RBMS1: variants seen among roughly 807,000 people sequenced by gnomAD.
The protein encoded by RBMS1 is RNA-binding motif, single-stranded-interacting protein 1.
Under a neutral mutation model 62.3 loss-of-function variants are expected in RBMS1, and 17 were observed. The ratio of observed to expected loss-of-function variants is 0.27; its 90% CI spans 0.19 to 0.41. RBMS1 has a LOEUF of 0.41. Ranked by LOEUF, RBMS1 falls within the 10% of genes least tolerant of loss-of-function variation. RBMS1 has a pLI of 1.00. For missense variants in RBMS1, 334 were observed against 504.5 expected, an observed-to-expected ratio of 0.66 and a Z score of 3.24; for synonymous variants, 172 against 170.0, an observed-to-expected ratio of 1.01 and a Z score of -0.09.
At chr2:160,401,567 A>G (rs1270621861) in intron 1 of RBMS1, among the ~76,000 whole-genome samples, 1 of 152,238 alleles carries the variant, frequency 6.6e-6, no homozygotes, top group East Asian at 1.9e-4. Flanking sequence ...AACACCCACT[A>G]AACACCTACA....
intron 1 of RBMS1, among the ~76,000 whole-genome samples, chr2:160,410,182 G>C (rs1695966983): frequency 1.6e-5 from 2 of 127,686 alleles, no homozygotes; most frequent in Non-Finnish European, 3.1e-5. Context: ...AGATCACGCC[G>C]CTGCACCCCA....
At chr2:160,346,083 T>C (rs1017522635) in intron 2 of RBMS1, among the ~76,000 whole-genome samples, 10 of 152,140 alleles carry the variant, frequency 6.6e-5, no homozygotes, top group African/African-American at 2.4e-4. Flanking sequence ...CTCCGGTCTT[T>C]AGGGTTTTCT....
At chr2:160,371,206 C>T (rs564349386) in intron 1 of RBMS1, among the ~76,000 whole-genome samples, 1 of 152,276 alleles carries the variant, frequency 6.6e-6, no homozygotes, top group South Asian at 2.1e-4. Context: ...GGTGTCTTGG[C>T]AGCACAAATG....
At chr2:160,327,565 A>G (rs1198790863) in intron 2 of RBMS1, among the ~76,000 whole-genome samples, 4 of 152,168 alleles carry the variant, frequency 2.6e-5, no homozygotes, top group Non-Finnish European at 5.9e-5. Context: ...CAATCAAGGT[A>G]ACGTAGCTTT....
intron 2 of RBMS1, among the ~76,000 whole-genome samples, chr2:160,334,885 T>C (rs941198095): frequency 6.6e-6 from 1 of 152,030 alleles, no homozygotes; most frequent in South Asian, 2.1e-4. Flanking sequence ...ACGGTAGTTT[T>C]TGAGACAAAC....
At chr2:160,349,685 C>T (rs1186574657) in intron 2 of RBMS1, among the ~76,000 whole-genome samples, 1 of 152,040 alleles carries the variant, frequency 6.6e-6, no homozygotes, top group Non-Finnish European at 1.5e-5. Context: ...GGCTCATACC[C>T]AGCCTTCCTT....
intron 1 of RBMS1, among the ~76,000 whole-genome samples, chr2:160,423,969 A>T (rs1451113922): frequency 6.6e-6 from 1 of 152,156 alleles, no homozygotes; most frequent in Non-Finnish European, 1.5e-5. Flanking sequence ...CTCTAGAAAG[A>T]AAAGTTATTT....
intron 2 of RBMS1, among the ~76,000 whole-genome samples, chr2:160,324,620 T>C (rs1472752856): frequency 2.0e-5 from 3 of 151,824 alleles, no homozygotes; most frequent in African/African-American, 7.3e-5. Context: ...GAATGATAGT[T>C]TTCATAATAG....
At chr2:160,361,971 T>C (rs1693156206) in intron 2 of RBMS1, among the ~76,000 whole-genome samples, 1 of 152,242 alleles carries the variant, frequency 6.6e-6, no homozygotes, top group Admixed American at 6.5e-5. Context: ...AAGGATGGGA[T>C]AGCTGTGGCA....
intron 1 of RBMS1, among the ~76,000 whole-genome samples, chr2:160,411,161 G>C (rs1559521471): frequency 6.6e-6 from 1 of 152,200 alleles, no homozygotes; most frequent in South Asian, 2.1e-4. Context: ...AAGGGCAACT[G>C]ACAGGCCAGT....
chr2:160,423,566 C>A (rs1696520738), intron 1 of RBMS1, among the ~76,000 whole-genome samples: 1 of 152,196 alleles, frequency 6.6e-6, no homozygotes, highest in Non-Finnish European at 1.5e-5. Context: ...TTTATGACAG[C>A]ACCAGCCACT....
At chr2:160,387,217 C>T (rs1205422742) in intron 1 of RBMS1, among the ~76,000 whole-genome samples, 1 of 152,126 alleles carries the variant, frequency 6.6e-6, no homozygotes, top group Non-Finnish European at 1.5e-5. Context: ...ATGTTATTAG[C>T]TGCAGCAGCT....
intron 2 of RBMS1, among the ~76,000 whole-genome samples, chr2:160,357,621 GCA>G (rs1178428834): frequency 6.6e-6 from 1 of 152,130 alleles, no homozygotes; most frequent in African/African-American, 2.4e-5. Context: ...TACTGCAACA[GCA>G]CACATTTGAA....
chr2:160,400,580 A>G (rs1171728576), intron 1 of RBMS1, among the ~76,000 whole-genome samples: 1 of 152,152 alleles, frequency 6.6e-6, no homozygotes, highest in East Asian at 1.9e-4. Flanking sequence ...TAATGCCTCT[A>G]TATTTAGAAT....
At position 160,374,935 on chromosome 2, in the gene RBMS1, G is replaced by GC. The variant is rs566639815; in HGVS notation, c.76-7545_76-7544insG. On this transcript the variant is annotated intron_variant, in intron 1 of 13. Coordinates refer to ENST00000348849, the MANE Select transcript of RBMS1 (RefSeq NM_016836.4). ...ACAAGAGTGAAACTACATCTCGGGC[G>GC]GGGGACGGTGGGGGGGAGGAATTGA... 2.0e-5 allele frequency among the ~76,000 whole-genome samples: 3 copies of GC among 151,968 alleles called. No homozygotes were observed. The South Asian group carries it at 6.3e-4, about 32-fold the overall frequency.
chr2:160,374,016 T>C (rs186821375), intron 1 of RBMS1, among the ~76,000 whole-genome samples: 1 of 152,296 alleles, frequency 6.6e-6, no homozygotes, highest in African/African-American at 2.4e-5. Flanking sequence ...CTCATATCTG[T>C]AATCCCAGCA....
intron 1 of RBMS1, among the ~76,000 whole-genome samples, chr2:160,398,143 A>T (rs1419187468): frequency 6.6e-6 from 1 of 152,208 alleles, no homozygotes; most frequent in African/African-American, 2.4e-5. Context: ...ATTCATGTGG[A>T]CAAGTTAAAA....
In RBMS1 at chr2:160,394,028, T is replaced by A. The variant is rs556933755; in HGVS notation, c.76-26637A>T. On this transcript the variant is annotated intron_variant, in intron 1 of 13. Coordinates refer to ENST00000348849, the MANE Select transcript of RBMS1 (RefSeq NM_016836.4). ...GATCACTTCATCCGAAACACTAGTA[T>A]CACATCGCAGAATTCATTCAGGATA... 7.9e-5 allele frequency among the ~76,000 whole-genome samples: 12 copies of A among 152,304 alleles called. No homozygotes were observed. In the South Asian group the frequency reaches 2.3e-3, roughly 29 times the overall value.
At chr2:160,360,260 T>C (rs1034932014) in intron 2 of RBMS1, among the ~76,000 whole-genome samples, 5 of 152,182 alleles carry the variant, frequency 3.3e-5, no homozygotes, top group African/African-American at 9.6e-5. Context: ...GTGCCTTTCA[T>C]GTGTGCTCTC....
Sources: gnomAD v4.1 joint callset for allele counts (sites outside exome capture counted in the v4.1 genomes callset) on GRCh38, gnomAD v4.1.1 for gene constraint, MANE v1.5 for transcripts, NCBI Gene and HGNC (gene_info 2026-07-23, HGNC 2026-07-21) for gene names.